RBPJ: variants seen among roughly 807,000 people sequenced by gnomAD.
RBPJ encodes the protein recombination signal binding protein for immunoglobulin kappa J region.
Under a neutral mutation model 67.8 loss-of-function variants are expected in RBPJ, and 9 were observed. That is an observed-to-expected ratio of 0.13 (90% CI 0.08 to 0.23). RBPJ has a LOEUF of 0.23. Ranked by LOEUF, RBPJ falls within the 10% of genes least tolerant of loss-of-function variation. The probability of loss-of-function intolerance (pLI) is 1.00; values close to 1 mark genes in which losing one functional copy is unlikely to be tolerated. For missense variants in RBPJ, 305 were observed against 595.6 expected (o/e 0.51, Z 5.08); for synonymous variants, 198 against 203.3 (o/e 0.97, Z 0.22).
chr4:26,148,518 T>G, the RBPJ span, among the ~76,000 whole-genome samples: 10 of 152,102 alleles, frequency 6.6e-5, no homozygotes, highest in Non-Finnish European at 1.5e-4. Flanking sequence ...CCAAGGAGAC[T>G]GAGATGGAGA....
intron 3 of RBPJ, among the ~76,000 whole-genome samples, chr4:26,407,578 C>T (rs1466535905): frequency 1.3e-5 from 2 of 152,088 alleles, no homozygotes; most frequent in African/African-American, 4.8e-5. Flanking sequence ...TTTCAAACAG[C>T]ATTTTTTGGT....
chr4:26,344,352 A>G lies in RBPJ; in HGVS notation c.20+23304A>G, dbSNP rs1045794025. ...CGGGTTCACGCCATTCTCCTGCGTC[A>G]GCCTCCGGAGTAGCTGGGACTACAG... On this transcript the variant is annotated intron_variant, in intron 1 of 10. Coordinates refer to ENST00000355476, the MANE Select transcript of RBPJ (RefSeq NM_015874.6). Among the ~76,000 whole-genome samples the G allele has an allele frequency of 1.1e-4, 16 of 152,054 alleles. 1 individual carries two copies. Among genetic ancestry groups the G allele is most frequent in the African/African-American group, 3.9e-4 (16 of 41,390 alleles).
At chr4:26,413,856 T>C (rs1734282956) in intron 3 of RBPJ, among the ~76,000 whole-genome samples, 1 of 152,170 alleles carries the variant, frequency 6.6e-6, no homozygotes, top group Admixed American at 6.5e-5. Context: ...TGTTAATAAG[T>C]GTAAATTAGT....
chr4:26,289,106 G>A (rs1721574948), intron 1 of RBPJ, among the ~76,000 whole-genome samples: 1 of 150,764 alleles, frequency 6.6e-6, no homozygotes, highest in Non-Finnish European at 1.5e-5. Context: ...AAGAAAGAAA[G>A]AGGAGTAGGG....
chr4:26,401,756 A>G (rs1056367196), intron 2 of RBPJ, among the ~76,000 whole-genome samples: 1 of 152,252 alleles, frequency 6.6e-6, no homozygotes, highest in African/African-American at 2.4e-5. Flanking sequence ...GTATCCGGAA[A>G]TACACTTAAT....
intron 1 of RBPJ, among the ~76,000 whole-genome samples, chr4:26,276,784 C>A (rs952373211): frequency 1.3e-5 from 2 of 152,172 alleles, no homozygotes; most frequent in African/African-American, 2.4e-5. Flanking sequence ...AAGAAAGCAA[C>A]CTTAAATAAG....
upstream of RBPJ, among the ~76,000 whole-genome samples, chr4:26,316,697 G>GTA (rs1234947541): frequency 6.1e-3 from 785 of 127,836 alleles, 9 homozygotes; most frequent in African/African-American, 0.023. Context: ...CACATATTGT[G>GTA]TATATATATA....
At chr4:26,364,598 C>CTTTTT (rs10939108) in intron 1 of RBPJ, among the ~76,000 whole-genome samples, 6 of 125,372 alleles carry the variant, frequency 4.8e-5, no homozygotes, top group African/African-American at 1.2e-4. Context: ...ATTTGGAAGA[C>CTTTTT]TTTTTTTTTT....
rs562487609 is a variant in RBPJ at position 26,284,258 on chromosome 4, A to G, written c.-166-78188A>G. ...CCCTATTTCATCTGAACATGCTCTA[A>G]TGTATTTCCTTAACAGCTTCTTTGT... On this transcript the variant is annotated intron_variant, in intron 1 of 4. Transcript: ENST00000512351. Among the ~76,000 whole-genome samples the G allele has an allele frequency of 9.8e-5, 15 of 152,294 alleles. No homozygotes were observed. The South Asian group carries it at 3.1e-3, about 32-fold the overall frequency.
chr4:26,357,908 T>C (rs1727578135), intron 1 of RBPJ, among the ~76,000 whole-genome samples: 1 of 152,156 alleles, frequency 6.6e-6, no homozygotes, highest in Non-Finnish European at 1.5e-5. Context: ...TTTGTTTCTT[T>C]TTAAAGCAGA....
At chr4:26,261,838 T>C (rs1720549262) in intron 1 of RBPJ, among the ~76,000 whole-genome samples, 1 of 152,250 alleles carries the variant, frequency 6.6e-6, no homozygotes, top group Admixed American at 6.5e-5. Flanking sequence ...TTTAATTGAT[T>C]TGCCATCATA....
At chr4:26,251,752 G>A (rs1720117828) in intron 1 of RBPJ, among the ~76,000 whole-genome samples, 1 of 151,318 alleles carries the variant, frequency 6.6e-6, no homozygotes, top group Non-Finnish European at 1.5e-5. Flanking sequence ...GGAGGCTGAG[G>A]CAGGAGAATT....
intron 1 of RBPJ, among the ~76,000 whole-genome samples, chr4:26,205,777 G>C (rs1281961935): frequency 6.6e-6 from 1 of 151,924 alleles, no homozygotes; most frequent in African/African-American, 2.4e-5. Context: ...ATTTTTAGTA[G>C]AGACAGGGTT....
intron 1 of RBPJ, among the ~76,000 whole-genome samples, chr4:26,284,684 G>T (rs972416941): frequency 2.0e-5 from 3 of 151,778 alleles, no homozygotes; most frequent in African/African-American, 4.8e-5. Context: ...GGCCAGGCTG[G>T]TCTCCAACTC....
intron 1 of RBPJ, among the ~76,000 whole-genome samples, chr4:26,224,718 GT>G (rs1457729578): frequency 1.3e-5 from 2 of 152,186 alleles, no homozygotes; most frequent in Non-Finnish European, 2.9e-5. Flanking sequence ...GAAGCATGGT[GT>G]TAGCATGCAG....
chr4:26,247,910 T>C (rs1399203932), intron 1 of RBPJ, among the ~76,000 whole-genome samples: 2 of 152,168 alleles, frequency 1.3e-5, no homozygotes, highest in Non-Finnish European at 1.5e-5. Flanking sequence ...ATTTGGGTGA[T>C]GGATTCAACA....
At chr4:26,144,205 T>C in the RBPJ span, among the ~76,000 whole-genome samples, 1 of 97,528 alleles carries the variant, frequency 1.0e-5, no homozygotes, top group African/African-American at 2.9e-5. Flanking sequence ...AAATTGTCAA[T>C]GATTTATTTG....
upstream of RBPJ, among the ~76,000 whole-genome samples, chr4:26,159,444 C>T (rs1396864331): frequency 6.6e-6 from 1 of 152,160 alleles, no homozygotes; most frequent in Non-Finnish European, 1.5e-5. Context: ...AATGATAACT[C>T]CACAGCCTTC....
chr4:26,286,558 ATC>A (rs1340621385), intron 1 of RBPJ, among the ~76,000 whole-genome samples: 1 of 151,048 alleles, frequency 6.6e-6, no homozygotes, highest in Non-Finnish European at 1.5e-5. Context: ...CTCACATGTG[ATC>A]TCTCTGTCCT....
Sources: gnomAD v4.1 joint callset for allele counts (sites outside exome capture counted in the v4.1 genomes callset) on GRCh38, gnomAD v4.1.1 for gene constraint, MANE v1.5 for transcripts, NCBI Gene and HGNC (gene_info 2026-07-23, HGNC 2026-07-21) for gene names.